The following SLC20A1 variants were observed in gnomAD, a reference collection of about 807,000 sequenced individuals.
The protein encoded by SLC20A1 is sodium-dependent phosphate transporter 1.
A neutral mutation model predicts 62.7 loss-of-function variants in SLC20A1; 28 were observed. That is an observed-to-expected ratio of 0.45 (90% CI 0.33 to 0.61). The LOEUF (loss-of-function observed/expected upper bound fraction) is 0.61. Ranked by LOEUF, SLC20A1 falls within the 20% of genes least tolerant of loss-of-function variation. The pLI, the probability that SLC20A1 is intolerant of heterozygous loss-of-function variation, is 0.02. For synonymous variants in SLC20A1, 305 were observed against 302.9 expected (o/e 1.01, Z -0.07); for missense variants, 673 against 838.6 (o/e 0.80, Z 2.44).
At position 112,660,830 on chromosome 2, in the gene SLC20A1, T is replaced by C. The variant is rs143923500; in HGVS notation, c.1793+258T>C. ...TGTGTATGCTAAGAGCGGATAGTTA[T>C]GTATACTTGCCTTTTATTTGTCTTG... is the stretch of plus-strand genomic sequence containing the variant. On this transcript the variant is annotated intron_variant, in intron 9 of 10. Transcript: ENST00000272542. 3,440 of 469,626 alleles carry C rather than the reference T, an allele frequency of 7.3e-3. 12 individuals are homozygous for C. The highest frequency in any genetic ancestry group is 8.9e-3 in the Non-Finnish European group (2,455 of 274,348). 29.1% of individuals were successfully genotyped at this position (469,626 alleles called of 1,614,324 possible).
rs190112076 is a variant in SLC20A1, at chr2:112,656,945, T to G, written c.659-177T>G. 7.1e-4 allele frequency: 523 copies of G among 741,468 alleles called. 3 individuals are homozygous for G. Among genetic ancestry groups the G allele is most frequent in the South Asian group, 5.6e-3 (354 of 63,410 alleles). The allele number at this position is 741,468 out of a possible 1,614,324, so 45.9% of individuals were successfully genotyped here. A position where few individuals can be genotyped will look rare whatever the true frequency, so the allele number is the denominator to read the frequency against. The stretch of plus-strand genomic sequence containing the variant: ...TGGGTTTTCAGATGATCATTGAGTT[T>G]TTCTCCCAAATTTGTATAGGCACTA... On this transcript the variant is annotated intron_variant, in intron 5 of 10. Transcript: ENST00000272542.
intron 5 of SLC20A1, among the ~76,000 whole-genome samples, chr2:112,654,050 C>G (rs1027104785): frequency 6.6e-6 from 1 of 152,112 alleles, no homozygotes; most frequent in African/African-American, 2.4e-5. Context: ...CCTCAGCCTC[C>G]CAAAGTGCTG....
At chr2:112,648,469 T>C (rs1686343966) in intron 4 of SLC20A1, among the ~76,000 whole-genome samples, 1 of 152,216 alleles carries the variant, frequency 6.6e-6, no homozygotes, top group African/African-American at 2.4e-5. Flanking sequence ...GTCCTTTTTC[T>C]AAGGTGAATG....
In SLC20A1 at chr2:112,654,707, C is replaced by T. The variant is rs553464040; in HGVS notation, c.658+1909C>T. On this transcript the variant is annotated intron_variant, in intron 5 of 10. Coordinates refer to ENST00000272542, the MANE Select transcript of SLC20A1 (RefSeq NM_005415.5). The stretch of plus-strand genomic sequence containing the variant: ...GTCAGGAGTTCAAGACCAGCCTGGC[C>T]AAGTTGGTGAAACCTCATCTCTACT... Among the ~76,000 whole-genome samples the T allele has an allele frequency of 8.8e-4, 134 of 151,944 alleles. 1 individual carries two copies. The highest frequency in any genetic ancestry group is 3.4e-3 in the Middle Eastern group (1 of 294).
intron 5 of SLC20A1, 143 bp downstream of exon 5, chr2:112,652,941 G>C: frequency 6.4e-7 from 1 of 1,573,974 alleles, no homozygotes; most frequent in Non-Finnish European, 8.6e-7. Context: ...GAAGGCTGCA[G>C]GCTAGTGTAC....
rs149489857 is a variant in SLC20A1 at position 112,651,013 on chromosome 2, C to T, written c.562-1689C>T. ...TTGACTGCCCTCAGAGTTTGACCAC[C>T]GTTGAGTTAGTTATTCAAGGATGCT... On this transcript the variant is annotated intron_variant, in intron 4 of 10. Coordinates refer to ENST00000272542, the MANE Select transcript of SLC20A1 (RefSeq NM_005415.5). Among the ~76,000 whole-genome samples, 902 of 152,300 alleles carry T rather than the reference C, an allele frequency of 5.9e-3. 13 individuals are homozygous for T. Among genetic ancestry groups the T allele is most frequent in the African/African-American group, 0.021 (858 of 41,564 alleles).
At chr2:112,652,823 AT>A in intron 5 of SLC20A1, 25 bp downstream of exon 5, 2 of 1,612,056 alleles carry the variant, frequency 1.2e-6, no homozygotes, top group Non-Finnish European at 1.7e-6. Context: ...AAATATTTAA[AT>A]GTGAATTTAA....
chr2:112,659,459 C>T lies in SLC20A1; in HGVS notation c.1304C>T (p.Ala435Val), dbSNP rs2104650033. Residue 435 changes from alanine (A) to valine (V), a missense_variant, in exon 8 of 11, where the codon GCC (alanine) becomes GTC (valine). Coordinates refer to ENST00000272542, the MANE Select transcript of SLC20A1 (RefSeq NM_005415.5). Reference protein sequence around the residue: ...ICGMPLDSFRAKEGEQKGEEM... With the variant: ...ICGMPLDSFRVKEGEQKGEEM... Reference sequence around the variant, plus strand: ...GGCATGCCTCTGGATTCATTCCGTGCCAAAGAAGGTGAACAGAAGGGCGAA... The same window carrying T: ...GGCATGCCTCTGGATTCATTCCGTGTCAAAGAAGGTGAACAGAAGGGCGAA... 1.2e-6 allele frequency: 2 copies of T among 1,614,108 alleles called. No individual in the cohort carries two copies. Among genetic ancestry groups the T allele is most frequent in the Non-Finnish European group, 1.7e-6 (2 of 1,180,024 alleles).
At chr2:112,647,824 G>GT (rs1686327757) in intron 4 of SLC20A1, 86 bp downstream of exon 4, 10 of 1,074,980 alleles carry the variant, frequency 9.3e-6, no homozygotes, top group Non-Finnish European at 1.3e-5. Flanking sequence ...GATGTGATTG[G>GT]TGTATAGGTA....
chr2:112,652,642 C>G, intron 4 of SLC20A1, 60 bp from the exon 5 acceptor site: 1 of 1,347,584 alleles, frequency 7.4e-7, no homozygotes, highest in South Asian at 1.2e-5. Context: ...TTAAAAGATT[C>G]TGTGGAAATG....
rs757438670 is a variant in SLC20A1, at chr2:112,659,653, C to G, written c.1498C>G (p.Leu500Val). ...TGACAGAAAAGGAAGTAATGGCTCT[C>G]TAGAAGAATGGTATGACCAGGATAA... ...LGDRKGSNGS[L>V]EEWYDQDKPE... Residue 500 changes from leucine (L) to valine (V), a missense_variant, in exon 8 of 11, where the codon CTA becomes GTA. Coordinates refer to ENST00000272542, the MANE Select transcript of SLC20A1 (RefSeq NM_005415.5). The G allele has an allele frequency of 5.0e-6, 8 of 1,614,224 alleles. No homozygotes were observed. The highest frequency in any genetic ancestry group is 6.8e-6 in the Non-Finnish European group (8 of 1,180,024).
rs759853632 is a variant in SLC20A1, at chr2:112,660,563, C to T, written c.1784C>T (p.Thr595Ile). 3.1e-6 allele frequency: 5 copies of T among 1,613,574 alleles called. 1 individual carries two copies. The South Asian group carries it at 5.5e-5, about 18-fold the overall frequency. ...QTMGKDLTPI[T>I]PSSGFSIELA... ...ATGGGGAAGGATCTGACACCGATCA[C>T]ACCCTCTAGGTAAGTAGGTGGAGCA... The change falls in exon 9 of 11, where the codon ACA (threonine) becomes ATA (isoleucine). Residue 595 changes from threonine to isoleucine, a missense_variant. By Grantham distance (89) the Thr-to-Ile change is moderately conservative. Transcript: ENST00000272542.
chr2:112,646,516 G>T (rs974996474), intron 1 of SLC20A1, 47 bp from the exon 2 acceptor site: 1 of 153,974 alleles, frequency 6.5e-6, no homozygotes, highest in South Asian at 2.1e-4. Context: ...TGCCCCACTG[G>T]CCCCCCAGGG....
chr2:112,661,756 C>T (rs1212257375), intron 10 of SLC20A1, among the ~76,000 whole-genome samples: 1 of 152,122 alleles, frequency 6.6e-6, no homozygotes, highest in African/African-American at 2.4e-5. Flanking sequence ...ACCATGTTGG[C>T]CAAGCTGGTC....
chr2:112,647,062 G>C lies in SLC20A1; in HGVS notation c.234G>C (p.Gly78=), dbSNP rs1349139116. 1.9e-6 allele frequency: 3 copies of C among 1,614,012 alleles called. No individual in the cohort carries two copies. Among genetic ancestry groups the C allele is most frequent in the Admixed American group, 3.3e-5 (2 of 59,992 alleles). Residue 78 remains glycine, a synonymous_variant, in exon 2 of 11, where the codon GGG becomes GGC. Coordinates refer to ENST00000272542, the MANE Select transcript of SLC20A1 (RefSeq NM_005415.5). ...IFETVGSVLL[G]AKVSETIRKG... ...AAACAGTGGGCTCTGTCTTACTGGG[G>C]GCCAAAGTGAGCGAAACCATCCGGA...
At chr2:112,654,859 G>C (rs1165174227) in intron 5 of SLC20A1, among the ~76,000 whole-genome samples, 1 of 135,510 alleles carries the variant, frequency 7.4e-6, no homozygotes, top group Non-Finnish European at 1.5e-5. Context: ...TCGTGCCACT[G>C]TACTCCAGCC....
rs374197513 is a variant in SLC20A1 at position 112,647,090 on chromosome 2, G to T, written c.262G>T (p.Gly88Cys). 3 of 1,614,136 alleles carry T rather than the reference G, an allele frequency of 1.9e-6. No individual in the cohort carries two copies. Among genetic ancestry groups the T allele is most frequent in the Non-Finnish European group, 2.5e-6 (3 of 1,180,036 alleles). ...GAKVSETIRK[G>C]LIDVEMYNST... The stretch of plus-strand genomic sequence containing the variant: ...CAAAGTGAGCGAAACCATCCGGAAG[G>T]GCTTGATTGACGTGGAGATGTACAA... Residue 88 changes from glycine to cysteine, a missense_variant, in exon 2 of 11, where the codon GGC becomes TGC. Gly to Cys is a radical substitution (Grantham distance 159). Transcript: ENST00000272542.
At chr2:112,652,277 A>AT (rs1686463257) in intron 4 of SLC20A1, 1 of 172,638 alleles carries the variant, frequency 5.8e-6, no homozygotes, top group African/African-American at 2.4e-5. Context: ...CATAGTCTGC[A>AT]TGTTGTATTT....
Position 112,659,382 on chromosome 2 carries a change from C to T in SLC20A1, c.1227C>T (p.Asp409=). 6.2e-7 allele frequency: 1 copy of T among 1,614,192 alleles called. No individual in the cohort carries two copies. The highest frequency in any genetic ancestry group is 1.7e-5 in the Admixed American group (1 of 60,020). ...GAGATTGCATGGGAGACTCCGGTGA[C>T]AAACCCTTAAGGCGCAATAATAGCT... is the stretch of plus-strand genomic sequence containing the variant. The part of the protein sequence containing the change: ...KVGDCMGDSG[D]KPLRRNNSYT... The change falls in exon 8 of 11, where the codon GAC becomes GAT. Residue 409 remains aspartate (D), a synonymous_variant. Coordinates refer to ENST00000272542, the MANE Select transcript of SLC20A1 (RefSeq NM_005415.5).
Sources: gnomAD v4.1 joint callset for allele counts (sites outside exome capture counted in the v4.1 genomes callset) on GRCh38, gnomAD v4.1.1 for gene constraint, MANE v1.5 for transcripts, NCBI Gene and HGNC (gene_info 2026-07-23, HGNC 2026-07-21) for gene names.